PRKG1: variants seen among roughly 807,000 people sequenced by gnomAD.
PRKG1 encodes protein kinase cGMP-dependent 1.
In PRKG1, 35 loss-of-function variants were observed where a neutral mutation model predicts 88.1. That is an observed-to-expected ratio of 0.40 (90% CI 0.30 to 0.53). The LOEUF (loss-of-function observed/expected upper bound fraction) is 0.53. PRKG1 is among the 20% of genes least tolerant of loss of function. The probability of loss-of-function intolerance (pLI) is 0.59; values close to 1 mark genes in which losing one functional copy is unlikely to be tolerated. For missense variants in PRKG1, 540 were observed against 839.8 expected (o/e 0.64, Z 4.41); for synonymous variants, 303 against 292.5 (o/e 1.04, Z -0.37).
chr10:51,334,152 T>TCTCTCTCTC (rs1841809659), intron 2 of PRKG1, among the ~76,000 whole-genome samples: 3 of 137,234 alleles, frequency 2.2e-5, no homozygotes, highest in East Asian at 2.2e-4. Context: ...CTCTCTCTCT[T>TCTCTCTCTC]TCTCTCTCTC....
intron 5 of PRKG1, among the ~76,000 whole-genome samples, chr10:51,978,436 C>CTTTTTTTTTTTT (rs34946662): frequency 2.2e-4 from 30 of 134,316 alleles, no homozygotes; most frequent in African/African-American, 7.1e-4. Context: ...CATTCGGGCT[C>CTTTTTTTTTTTT]TTTTTTTTTT....
intron 3 of PRKG1, among the ~76,000 whole-genome samples, chr10:51,474,310 T>G (rs1276311027): frequency 6.6e-6 from 1 of 152,036 alleles, no homozygotes; most frequent in Non-Finnish European, 1.5e-5. Flanking sequence ...CATTTTGCTT[T>G]TAAGCACCAG....
intron 6 of PRKG1, among the ~76,000 whole-genome samples, chr10:52,057,912 G>T (rs1324470538): frequency 1.3e-5 from 2 of 151,666 alleles, no homozygotes; most frequent in Non-Finnish European, 2.9e-5. Context: ...ACAAGATAAA[G>T]ATATACATTA....
At chr10:51,151,124 C>A (rs1308059830) in intron 1 of PRKG1, among the ~76,000 whole-genome samples, 1 of 93,624 alleles carries the variant, frequency 1.1e-5, no homozygotes, top group Non-Finnish European at 2.1e-5. Context: ...TGGCCTCACT[C>A]TCTGACAAAA....
intron 2 of PRKG1, among the ~76,000 whole-genome samples, chr10:51,172,141 T>C (rs9414851): frequency 0.066 from 10,002 of 152,114 alleles, 690 homozygotes; most frequent in African/African-American, 0.17. Context: ...AGAAATTATA[T>C]TCAGTGATGA....
intron 3 of PRKG1, among the ~76,000 whole-genome samples, chr10:51,601,403 A>G (rs1838595521): frequency 4.6e-5 from 7 of 152,142 alleles, no homozygotes; most frequent in Admixed American, 4.6e-4. Flanking sequence ...AATGTAAAAG[A>G]TTGTTATTCT....
chr10:51,670,904 A>C (rs1840557290), intron 3 of PRKG1, among the ~76,000 whole-genome samples: 1 of 152,032 alleles, frequency 6.6e-6, no homozygotes, highest in Non-Finnish European at 1.5e-5. Flanking sequence ...ATCTCTTAAT[A>C]ATGTTGTAGA....
chr10:51,214,199 C>G (rs1222805321), intron 2 of PRKG1, among the ~76,000 whole-genome samples: 1 of 152,120 alleles, frequency 6.6e-6, no homozygotes. Context: ...CCTATGTACA[C>G]ATATGTACAT....
chr10:51,544,056 GT>G (rs954441653), intron 3 of PRKG1, among the ~76,000 whole-genome samples: 13 of 151,676 alleles, frequency 8.6e-5, no homozygotes, highest in Non-Finnish European at 1.5e-4. Flanking sequence ...CAACATTTTG[GT>G]TTTTTTTAAA....
intron 5 of PRKG1, among the ~76,000 whole-genome samples, chr10:52,008,101 C>G (rs1194828278): frequency 6.6e-6 from 1 of 151,984 alleles, no homozygotes; most frequent in East Asian, 1.9e-4. Flanking sequence ...TACAACATAC[C>G]AGAATCTCTG....
chr10:51,923,031 T>C (rs183766587), intron 5 of PRKG1, among the ~76,000 whole-genome samples: 4 of 152,058 alleles, frequency 2.6e-5, no homozygotes, highest in Admixed American at 2.6e-4. Context: ...CATCTATTTC[T>C]TCTTGTAGTT....
chr10:52,075,894 A>T (rs1005360195), intron 7 of PRKG1, among the ~76,000 whole-genome samples: 2 of 152,116 alleles, frequency 1.3e-5, no homozygotes, highest in Non-Finnish European at 2.9e-5. Flanking sequence ...CCCCACTTTC[A>T]TGACCTCATC....
chr10:51,045,404 C>T (rs1186805106), intron 1 of PRKG1, among the ~76,000 whole-genome samples: 1 of 152,106 alleles, frequency 6.6e-6, no homozygotes, highest in Non-Finnish European at 1.5e-5. Context: ...TCACTGCAAC[C>T]TCCACTTCCT....
At chr10:52,259,405 A>G (rs1841382561) in intron 10 of PRKG1, among the ~76,000 whole-genome samples, 1 of 152,116 alleles carries the variant, frequency 6.6e-6, no homozygotes, top group South Asian at 2.1e-4. Context: ...GTATGTCTTA[A>G]TTATGTAGAA....
chr10:51,876,107 CT>C (rs1237983087), intron 4 of PRKG1, among the ~76,000 whole-genome samples: 10 of 152,144 alleles, frequency 6.6e-5, no homozygotes, highest in African/African-American at 2.4e-4. Flanking sequence ...AGCACTTTCT[CT>C]GTCTCTTTTC....
At chr10:50,996,792 C>T (rs552720057) in intron 1 of PRKG1, among the ~76,000 whole-genome samples, 5 of 152,354 alleles carry the variant, frequency 3.3e-5, no homozygotes, top group African/African-American at 1.2e-4. Flanking sequence ...GGATTGATTA[C>T]TGGCTGATAA....
chr10:51,781,062 G>C (rs964617944), intron 3 of PRKG1, among the ~76,000 whole-genome samples: 5 of 151,846 alleles, frequency 3.3e-5, no homozygotes, highest in Non-Finnish European at 7.4e-5. Context: ...CGTTGGATGG[G>C]GTGGTGTTTA....
Position 51,034,633 on chromosome 10 carries a change from C to T in PRKG1, c.266+42989C>T, listed in dbSNP as rs146666051. On this transcript the variant is annotated intron_variant, in intron 1 of 17. Transcript: ENST00000401604. ...GAATTCACAACTTTTTTGCCCTAAA[C>T]AATCAAATAAGCAAAATTATATATA... Among the ~76,000 whole-genome samples the T allele has an allele frequency of 2.0e-3, 233 of 116,550 alleles. 1 individual carries two copies. The highest frequency in any genetic ancestry group is 6.0e-3 in the African/African-American group (188 of 31,422). The allele number at this position is 116,550 out of a possible 152,430, so 76.5% of individuals were successfully genotyped here.
chr10:51,719,749 G>T (rs961390297), intron 3 of PRKG1, among the ~76,000 whole-genome samples: 13 of 152,182 alleles, frequency 8.5e-5, no homozygotes, highest in Admixed American at 8.5e-4. Context: ...TGGGGGACAG[G>T]AATACAGGAA....
Sources: gnomAD v4.1 joint callset for allele counts (sites outside exome capture counted in the v4.1 genomes callset) on GRCh38, gnomAD v4.1.1 for gene constraint, MANE v1.5 for transcripts, NCBI Gene and HGNC (gene_info 2026-07-23, HGNC 2026-07-21) for gene names.